Variants in TGFB2 observed in about 807,000 individuals in gnomAD.
TGFB2 encodes the protein transforming growth factor beta 2, also known as transforming growth factor beta-2 proprotein.
TGFB2 carries 13 observed loss-of-function variants against 42.7 expected under a neutral mutation model. That is an observed-to-expected ratio of 0.30 (90% CI 0.20 to 0.48). TGFB2 has a LOEUF of 0.48. Ranked by LOEUF, TGFB2 falls within the 20% of genes least tolerant of loss-of-function variation. The pLI is 0.99. For synonymous variants in TGFB2, 193 were observed against 193.6 expected (o/e 1.00, Z 0.03); for missense variants, 390 against 517.5 (o/e 0.75, Z 2.39).
At chr1:218,371,789 GGC>G (rs1657580461) in intron 1 of TGFB2, among the ~76,000 whole-genome samples, 1 of 152,222 alleles carries the variant, frequency 6.6e-6, no homozygotes, top group Non-Finnish European at 1.5e-5. Context: ...GAAGGAGCAT[GGC>G]TTTCCTGTTT....
At chr1:218,348,594 A>G (rs1413947474) in intron 1 of TGFB2, among the ~76,000 whole-genome samples, 2 of 152,222 alleles carry the variant, frequency 1.3e-5, no homozygotes. Context: ...CACTATCCGC[A>G]ACAGCGGTGA....
intron 1 of TGFB2, among the ~76,000 whole-genome samples, chr1:218,392,292 G>T (rs1658341359): frequency 1.3e-5 from 2 of 152,206 alleles, no homozygotes; most frequent in South Asian, 4.1e-4. Context: ...GGCGGAGCTT[G>T]CAGTGAGCCG....
intron 1 of TGFB2, among the ~76,000 whole-genome samples, chr1:218,378,322 G>A (rs958224375): frequency 1.3e-5 from 2 of 152,046 alleles, no homozygotes; most frequent in Admixed American, 6.6e-5. Flanking sequence ...GATTACAGGC[G>A]CCCGCCACTG....
chr1:218,351,952 G>A (rs1656880030), intron 1 of TGFB2, among the ~76,000 whole-genome samples: 1 of 152,198 alleles, frequency 6.6e-6, no homozygotes, highest in Non-Finnish European at 1.5e-5. Flanking sequence ...GGAGTTCACT[G>A]ACTTGTAGGC....
At chr1:218,439,107 C>CAAAAAAA (rs5781035) in intron 6 of TGFB2, among the ~76,000 whole-genome samples, 1 of 103,926 alleles carries the variant, frequency 9.6e-6, no homozygotes. Flanking sequence ...GATCCTGTCT[C>CAAAAAAA]AAAAAAAAAA....
At chr1:218,361,089 G>A (rs752306594) in intron 1 of TGFB2, among the ~76,000 whole-genome samples, 42 of 152,194 alleles carry the variant, frequency 2.8e-4, no homozygotes, top group Non-Finnish European at 6.2e-4. Flanking sequence ...TCCTGACCTC[G>A]TGGTCTGCCT....
chr1:218,441,621 A>AT lies in TGFB2; in HGVS notation c.*267dup, dbSNP rs1282624256. ...TGTAAGTGAGAGAGACAAGAAGCAA[A>AT]TTTTTTTTAAAGAAAAAAATAAACA... is the stretch of plus-strand genomic sequence containing the variant. On this transcript the variant is annotated 3_prime_UTR_variant, in exon 7 of 7. Coordinates refer to ENST00000366930, the MANE Select transcript of TGFB2 (RefSeq NM_003238.6). 3.7e-5 allele frequency: 11 copies of AT among 297,936 alleles called. No homozygotes were observed. Among genetic ancestry groups the AT allele is most frequent in the Non-Finnish European group, 4.3e-5 (7 of 162,528 alleles). 18.5% of individuals were successfully genotyped at this position (297,936 alleles called of 1,614,324 possible).
intron 2 of TGFB2, among the ~76,000 whole-genome samples, chr1:218,429,299 T>C (rs372687116): frequency 6.3e-4 from 96 of 152,326 alleles, no homozygotes; most frequent in African/African-American, 2.3e-3. Context: ...TTTTTATCTC[T>C]ATGAATTTGC....
chr1:218,361,735 T>G (rs1657218439), intron 1 of TGFB2, among the ~76,000 whole-genome samples: 1 of 152,266 alleles, frequency 6.6e-6, no homozygotes, highest in African/African-American at 2.4e-5. Flanking sequence ...TCTGACTTGT[T>G]AATCTTGTGA....
intron 1 of TGFB2, among the ~76,000 whole-genome samples, chr1:218,401,242 A>AT (rs11401661): frequency 0.081 from 12,312 of 152,284 alleles, 586 homozygotes; most frequent in East Asian, 0.15. Flanking sequence ...TATAATGTTC[A>AT]TACAGTAGTA....
At chr1:218,410,317 T>A (rs936363104) in intron 2 of TGFB2, among the ~76,000 whole-genome samples, 1 of 152,216 alleles carries the variant, frequency 6.6e-6, no homozygotes, top group Non-Finnish European at 1.5e-5. Context: ...GAAGGTCTAT[T>A]GTTTCTCTCC....
At chr1:218,402,277 C>G (rs1165348248) in intron 1 of TGFB2, among the ~76,000 whole-genome samples, 1 of 152,210 alleles carries the variant, frequency 6.6e-6, no homozygotes, top group African/African-American at 2.4e-5. Context: ...TGTTATTAGA[C>G]AGTTGAAATA....
intron 2 of TGFB2, among the ~76,000 whole-genome samples, chr1:218,433,877 G>A (rs1659884026): frequency 6.6e-6 from 1 of 152,156 alleles, no homozygotes; most frequent in Admixed American, 6.5e-5. Flanking sequence ...ATAACATGCA[G>A]CTGATTTAGT....
chr1:218,433,597 G>T (rs930772130), intron 2 of TGFB2, among the ~76,000 whole-genome samples: 4 of 152,266 alleles, frequency 2.6e-5, no homozygotes, highest in East Asian at 1.9e-4. Flanking sequence ...GGAAACCAAG[G>T]TTAGGACCGT....
At chr1:218,407,316 G>A (rs1283684180) in intron 2 of TGFB2, among the ~76,000 whole-genome samples, 2 of 152,162 alleles carry the variant, frequency 1.3e-5, no homozygotes, top group African/African-American at 4.8e-5. Context: ...TTGAGCTCAA[G>A]AGATCATCCC....
chr1:218,382,175 C>T (rs74680750), intron 1 of TGFB2, among the ~76,000 whole-genome samples: 2,527 of 152,128 alleles, frequency 0.017, 80 homozygotes, highest in African/African-American at 0.056. Context: ...CTCTTTACAT[C>T]CCCCTCCCCA....
intron 2 of TGFB2, among the ~76,000 whole-genome samples, chr1:218,414,671 A>G (rs1439010612): frequency 6.6e-6 from 1 of 152,258 alleles, no homozygotes; most frequent in East Asian, 1.9e-4. Context: ...CCCAAAAAGT[A>G]GAATGAACAG....
intron 1 of TGFB2, among the ~76,000 whole-genome samples, chr1:218,375,803 C>G (rs1162821685): frequency 2.0e-5 from 3 of 152,080 alleles, no homozygotes; most frequent in Non-Finnish European, 4.4e-5. Context: ...GGAGGAATAG[C>G]TAATGGATGC....
intron 2 of TGFB2, among the ~76,000 whole-genome samples, chr1:218,428,747 T>C (rs1194574548): frequency 6.6e-6 from 1 of 152,144 alleles, no homozygotes; most frequent in Non-Finnish European, 1.5e-5. Context: ...AGCCTTGTAG[T>C]ATAGTTTGAA....
Sources: allele counts gnomAD v4.1 joint callset (sites outside exome capture counted in the v4.1 genomes callset), GRCh38; gene constraint gnomAD v4.1.1; transcripts MANE v1.5; gene names NCBI Gene and HGNC (gene_info 2026-07-23, HGNC 2026-07-21).